The following LIN52 variants were observed in gnomAD, a reference collection of about 807,000 sequenced individuals.
LIN52 encodes the protein protein lin-52 homolog.
LIN52 carries 4 observed loss-of-function variants against 18.5 expected under a neutral mutation model. The observed-to-expected ratio is 0.22, with a 90% CI of 0.11 to 0.49. The LOEUF is 0.49. Among genes scored for constraint, LIN52 ranks in the 20% least tolerant of loss-of-function variants. LIN52 has a pLI of 0.97. For synonymous variants in LIN52, 34 were observed against 45.5 expected (o/e 0.75, Z 1.02); for missense variants, 102 against 139.5 (o/e 0.73, Z 1.35).
intron 5 of LIN52, among the ~76,000 whole-genome samples, chr14:74,190,478 G>A (rs1438322964): frequency 2.2e-5 from 3 of 133,876 alleles, no homozygotes; most frequent in African/African-American, 5.8e-5. Context: ...TGCAACCTCC[G>A]CCTCCCAGAT....
chr14:74,141,357 G>A (rs141600292), intron 5 of LIN52, among the ~76,000 whole-genome samples: 414 of 152,252 alleles, frequency 2.7e-3, no homozygotes, highest in Non-Finnish European at 4.7e-3. Context: ...CCCACAACAT[G>A]TCTTGGATAT....
chr14:74,162,475 CAA>C (rs35116380), intron 5 of LIN52, among the ~76,000 whole-genome samples: 7 of 95,342 alleles, frequency 7.3e-5, no homozygotes, highest in Admixed American at 1.3e-4. Flanking sequence ...CTCCATCTCA[CAA>C]AAAAAAAAAA....
intron 5 of LIN52, among the ~76,000 whole-genome samples, chr14:74,142,899 T>A (rs1437850853): frequency 6.7e-6 from 1 of 149,060 alleles, no homozygotes; most frequent in Non-Finnish European, 1.5e-5. Flanking sequence ...ACAAAAAACC[T>A]TTGCTCAGCC....
At chr14:74,123,207 G>A (rs1000939858) in intron 5 of LIN52, among the ~76,000 whole-genome samples, 1 of 152,210 alleles carries the variant, frequency 6.6e-6, no homozygotes, top group Non-Finnish European at 1.5e-5. Context: ...AATGAAAATA[G>A]CAACAGGGAG....
chr14:74,133,410 A>C (rs1373998418), intron 5 of LIN52, among the ~76,000 whole-genome samples: 1 of 152,220 alleles, frequency 6.6e-6, no homozygotes, highest in East Asian at 1.9e-4. Flanking sequence ...GGATCTGTTA[A>C]GCCTTATTAT....
At chr14:74,091,376 A>C in intron 2 of LIN52, 70 bp downstream of exon 2, 2 of 1,090,946 alleles carry the variant, frequency 1.8e-6, no homozygotes, top group African/African-American at 3.2e-5. Flanking sequence ...AGAGATTTTT[A>C]AAGAGTTATT....
chr14:74,131,963 G>A (rs2061070826), intron 5 of LIN52, among the ~76,000 whole-genome samples: 1 of 152,206 alleles, frequency 6.6e-6, no homozygotes, highest in Non-Finnish European at 1.5e-5. Context: ...GAGGGCTAAA[G>A]ATCTTAGGTG....
intron 4 of LIN52, among the ~76,000 whole-genome samples, chr14:74,098,564 T>TC (rs1314397250): frequency 6.6e-6 from 1 of 151,554 alleles, no homozygotes; most frequent in Non-Finnish European, 1.5e-5. Flanking sequence ...TTTTTTTTTT[T>TC]CAGACGGAGT....
intron 5 of LIN52, among the ~76,000 whole-genome samples, chr14:74,130,289 T>TGTTTTTTTTTTTG (rs1566856590): frequency 2.9e-5 from 3 of 101,904 alleles, no homozygotes; most frequent in East Asian, 2.1e-3. Flanking sequence ...TTTTTTTTTT[T>TGTTTTTTTTTTTG]TTTTTTTGAG....
intron 5 of LIN52, among the ~76,000 whole-genome samples, chr14:74,121,899 T>A (rs2061002441): frequency 6.6e-6 from 1 of 151,916 alleles, no homozygotes; most frequent in Non-Finnish European, 1.5e-5. Flanking sequence ...ATTTTTGGAT[T>A]TTTAGTGGAG....
intron 5 of LIN52, among the ~76,000 whole-genome samples, chr14:74,190,389 C>CTTT (rs68037994): frequency 0.43 from 44,654 of 105,036 alleles, 10,915 homozygotes; most frequent in Non-Finnish European, 0.5. Context: ...GCCTAAATAA[C>CTTT]TTTTTTTTTT....
chr14:74,116,952 A>G (rs933407263), intron 5 of LIN52, among the ~76,000 whole-genome samples: 3 of 152,104 alleles, frequency 2.0e-5, no homozygotes, highest in African/African-American at 7.2e-5. Flanking sequence ...CCAAATTAAC[A>G]AAAACACATT....
At chr14:74,175,728 ACACACACACACACACACACACACC>A (rs1208305947) in intron 5 of LIN52, among the ~76,000 whole-genome samples, 4 of 145,090 alleles carry the variant, frequency 2.8e-5, no homozygotes, top group South Asian at 2.2e-4. Context: ...ACACACACAC[ACACACACACACACACACACACACC>A]CCCATTATAC....
At chr14:74,168,932 C>T (rs148047495) in intron 5 of LIN52, among the ~76,000 whole-genome samples, 2,401 of 151,034 alleles carry the variant, frequency 0.016, 62 homozygotes, top group African/African-American at 0.055. Flanking sequence ...CATGGTGGCG[C>T]GTGCCCAGCT....
At chr14:74,180,150 G>A (rs2139584111) in intron 5 of LIN52, among the ~76,000 whole-genome samples, 1 of 152,178 alleles carries the variant, frequency 6.6e-6, no homozygotes, top group African/African-American at 2.4e-5. Flanking sequence ...CTCTCTTGAA[G>A]ATCTTGTGGG....
At chr14:74,099,294 T>G (rs534597339) in intron 4 of LIN52, among the ~76,000 whole-genome samples, 1 of 152,270 alleles carries the variant, frequency 6.6e-6, no homozygotes, top group African/African-American at 2.4e-5. Context: ...AAAAACACCT[T>G]TATTTGATTT....
At chr14:74,152,623 G>C (rs2061181372) in intron 5 of LIN52, among the ~76,000 whole-genome samples, 1 of 151,720 alleles carries the variant, frequency 6.6e-6, no homozygotes, top group Non-Finnish European at 1.5e-5. Flanking sequence ...TGCTATGCCT[G>C]CCATTATGCA....
intron 5 of LIN52, among the ~76,000 whole-genome samples, chr14:74,126,188 T>G (rs2061029156): frequency 6.6e-6 from 1 of 152,108 alleles, no homozygotes; most frequent in African/African-American, 2.4e-5. Flanking sequence ...CTTTATACCC[T>G]CTAGGATGGC....
At position 74,095,192 on chromosome 14, in the gene LIN52, C is replaced by T. The variant is rs185774655; in HGVS notation, c.95-756C>T. Among the ~76,000 whole-genome samples the T allele has an allele frequency of 4.7e-4, 63 of 132,756 alleles. No individual in the cohort carries two copies. The East Asian group carries it at 0.014, about 29-fold the overall frequency. The allele number at this position is 132,756 out of a possible 152,430, so 87.1% of individuals were successfully genotyped here. ...TTTGAGACAGGGTCTTCCTCTGTTGCCCAGTTTGGAGTGCAGTGGTGTGAT... is the reference window on the plus strand; with the variant it reads ...TTTGAGACAGGGTCTTCCTCTGTTGTCCAGTTTGGAGTGCAGTGGTGTGAT... On this transcript the variant is annotated intron_variant, in intron 2 of 5. Transcript: ENST00000555028.
Sources: gnomAD v4.1 joint callset for allele counts (sites outside exome capture counted in the v4.1 genomes callset) on GRCh38, gnomAD v4.1.1 for gene constraint, MANE v1.5 for transcripts, NCBI Gene and HGNC (gene_info 2026-07-23, HGNC 2026-07-21) for gene names.